DCDC2: variants seen among roughly 807,000 people sequenced by gnomAD.
The protein encoded by DCDC2 is doublecortin domain containing 2.
In DCDC2, 40 loss-of-function variants were observed where a neutral mutation model predicts 50.2. The observed-to-expected ratio is 0.80, with a 90% CI of 0.62 to 1.04. The LOEUF (loss-of-function observed/expected upper bound fraction) is 1.04, where lower values mean the gene tolerates loss of function less well. Ranked by LOEUF, DCDC2 falls within the 50% of genes least tolerant of loss-of-function variation. The pLI, the probability that DCDC2 is intolerant of heterozygous loss-of-function variation, is 0.00. For synonymous variants in DCDC2, 234 were observed against 210.6 expected, an observed-to-expected ratio of 1.11 and a Z score of -0.96; for missense variants, 570 against 581.9, an observed-to-expected ratio of 0.98 and a Z score of 0.21.
At chr6:24,368,439 A>T in the DCDC2 span, among the ~76,000 whole-genome samples, 3 of 152,228 alleles carry the variant, frequency 2.0e-5, no homozygotes, top group South Asian at 4.1e-4. Context: ...ACAAAAAATC[A>T]AAAGAAATTA....
the DCDC2 span, among the ~76,000 whole-genome samples, chr6:24,366,002 G>C: frequency 6.6e-6 from 1 of 151,918 alleles, no homozygotes; most frequent in Non-Finnish European, 1.5e-5. Context: ...ATTTTTAGTA[G>C]AGACGGGCTT....
chr6:24,376,817 TAAA>T, the DCDC2 span, among the ~76,000 whole-genome samples: 40 of 132,564 alleles, frequency 3.0e-4, no homozygotes, highest in East Asian at 1.5e-3. Flanking sequence ...GTTTTTTTAA[TAAA>T]AAAAAAAAAA....
chr6:24,289,968 CTTCTTTTTTTTTTTTTTTTTTTTTT>C (rs754227094), intron 5 of DCDC2, among the ~76,000 whole-genome samples: 2 of 100,814 alleles, frequency 2.0e-5, no homozygotes, highest in African/African-American at 3.7e-5. Context: ...GGCCAGAGCT[CTTCTTTTTTTTTTTTTTTTTTTTTT>C]TTTTTTTTTT....
intron 6 of DCDC2, among the ~76,000 whole-genome samples, chr6:24,279,232 G>A (rs1210343639): frequency 6.6e-6 from 1 of 152,154 alleles, no homozygotes; most frequent in Non-Finnish European, 1.5e-5. Context: ...TGCCAGGCAT[G>A]GTAGCTCCAG....
intron 6 of DCDC2, 82 bp from the exon 7 acceptor site, chr6:24,278,293 T>TGTA: frequency 7.6e-7 from 1 of 1,320,914 alleles, no homozygotes; most frequent in South Asian, 1.5e-5. Flanking sequence ...CATTAACTAC[T>TGTA]GGTAAGCAGG....
At chr6:24,202,483 C>A (rs946690429) in intron 8 of DCDC2, among the ~76,000 whole-genome samples, 2 of 152,094 alleles carry the variant, frequency 1.3e-5, no homozygotes, top group African/African-American at 4.8e-5. Flanking sequence ...GAATATATCT[C>A]AAAATAGTAA....
chr6:24,282,906 T>A (rs748871596), intron 6 of DCDC2, among the ~76,000 whole-genome samples: 15 of 152,270 alleles, frequency 9.9e-5, no homozygotes, highest in Non-Finnish European at 1.6e-4. Context: ...TTTTGGAGTA[T>A]AAGGAATTCA....
the DCDC2 span, among the ~76,000 whole-genome samples, chr6:24,369,140 A>AAAAAAAAAAC: frequency 6.6e-6 from 1 of 150,944 alleles, no homozygotes; most frequent in African/African-American, 2.5e-5. Context: ...TCTCAAAAAA[A>AAAAAAAAAAC]AAAAAAAAAA....
intron 2 of DCDC2, among the ~76,000 whole-genome samples, chr6:24,332,269 A>T (rs1759981436): frequency 1.3e-5 from 1 of 75,354 alleles, no homozygotes; most frequent in South Asian, 3.2e-4. Context: ...TGGAAGAATA[A>T]ATGCAATAGG....
At chr6:24,346,748 C>T (rs1468694162) in intron 2 of DCDC2, among the ~76,000 whole-genome samples, 4 of 139,138 alleles carry the variant, frequency 2.9e-5, no homozygotes, top group Non-Finnish European at 6.1e-5. Context: ...AGCGAGACTC[C>T]ATCTCAAAAA....
chr6:24,219,894 T>C (rs1273282743), intron 7 of DCDC2, among the ~76,000 whole-genome samples: 1 of 152,180 alleles, frequency 6.6e-6, no homozygotes, highest in Admixed American at 6.5e-5. Context: ...TCACAGCCCC[T>C]AGAGGCCACA....
intron 9 of DCDC2, among the ~76,000 whole-genome samples, chr6:24,176,285 G>C (rs777031316): frequency 1.3e-5 from 2 of 150,750 alleles, no homozygotes; most frequent in Non-Finnish European, 2.9e-5. Context: ...AGCAGAGTGA[G>C]ACCTTGTCAC....
intron 7 of DCDC2, among the ~76,000 whole-genome samples, chr6:24,220,292 G>T (rs1038313147): frequency 6.6e-6 from 1 of 152,052 alleles, no homozygotes; most frequent in African/African-American, 2.4e-5. Context: ...ACTTAAAATT[G>T]GCATTGCACA....
chr6:24,299,700 G>A (rs1215187359), intron 4 of DCDC2, among the ~76,000 whole-genome samples: 2 of 150,822 alleles, frequency 1.3e-5, no homozygotes, highest in African/African-American at 4.9e-5. Context: ...GATTGCTTGA[G>A]GTCAGGAGTT....
chr6:24,220,879 A>AGAGAGTGAGCGAGCGAGCGAGAGAGT (rs1554146330), intron 7 of DCDC2, among the ~76,000 whole-genome samples: 2 of 107,032 alleles, frequency 1.9e-5, no homozygotes, highest in African/African-American at 9.2e-5. Flanking sequence ...CAAGAGAGCG[A>AGAGAGTGAGCGAGCGAGCGAGAGAGT]GAGCGAGAGA....
At chr6:24,181,098 C>T (rs1761061882) in intron 8 of DCDC2, among the ~76,000 whole-genome samples, 2 of 152,088 alleles carry the variant, frequency 1.3e-5, no homozygotes, top group African/African-American at 2.4e-5. Flanking sequence ...TATTCGGATG[C>T]TTAAGGTCAA....
chr6:24,327,795 A>G (rs529610276), intron 2 of DCDC2, among the ~76,000 whole-genome samples: 1 of 152,218 alleles, frequency 6.6e-6, no homozygotes, highest in South Asian at 2.1e-4. Flanking sequence ...CTTATAATGA[A>G]TTTATGGAGT....
At chr6:24,191,355 G>A (rs1331422835) in intron 8 of DCDC2, among the ~76,000 whole-genome samples, 1 of 152,154 alleles carries the variant, frequency 6.6e-6, no homozygotes, top group African/African-American at 2.4e-5. Context: ...TAGGGCAACA[G>A]GCATATTTGG....
chr6:24,357,433 T>TG, intron 1 of DCDC2, 25 bp downstream of exon 1: 4 of 1,571,380 alleles, frequency 2.5e-6, no homozygotes, highest in Middle Eastern at 1.7e-4. Flanking sequence ...CCTAAATGGG[T>TG]GGGCGGTGGG....
Sources: allele counts gnomAD v4.1 joint callset (sites outside exome capture counted in the v4.1 genomes callset), GRCh38; gene constraint gnomAD v4.1.1; transcripts MANE v1.5; gene names NCBI Gene and HGNC (gene_info 2026-07-23, HGNC 2026-07-21).